The following BGN variants were observed in gnomAD, a reference collection of about 807,000 sequenced individuals.
The protein encoded by BGN is bone/cartilage proteoglycan-I.
Under a neutral mutation model 20.0 loss-of-function variants are expected in BGN, and 6 were observed. The observed-to-expected ratio is 0.30, with a 90% CI of 0.16 to 0.59. BGN has a LOEUF of 0.59. Ranked by LOEUF, BGN falls within the 20% of genes least tolerant of loss-of-function variation. The probability of loss-of-function intolerance (pLI) is 0.88; values close to 1 mark genes in which losing one functional copy is unlikely to be tolerated. For synonymous variants in BGN, 146 were observed against 134.6 expected (o/e 1.08, Z -0.59); for missense variants, 292 against 312.1 (o/e 0.94, Z 0.49).
Position 153,504,817 on chromosome X carries a change from G to A in BGN, c.186G>A (p.Met62Ile), listed in dbSNP as rs375209182. ...PDSVTPTYSA[M>I]CPFGCHCHLR... ...CTGTCACACCCACCTACAGCGCCAT[G>A]TGTCCTTTCGGCTGCCACTGCCACC... Residue 62 changes from methionine to isoleucine, a missense_variant, in exon 2 of 8, where the codon ATG (methionine) becomes ATA (isoleucine). Coordinates refer to ENST00000331595, the MANE Select transcript of BGN (RefSeq NM_001711.6). 1.7e-5 allele frequency: 21 copies of A among 1,209,415 alleles called. No homozygotes were observed. Among genetic ancestry groups the A allele is most frequent in the Non-Finnish European group, 1.2e-5 (11 of 895,194 alleles).
chrX:153,504,568 T>G, intron 1 of BGN, 53 bp from the exon 2 acceptor site: 21 of 997,231 alleles, frequency 2.1e-5, no homozygotes, highest in East Asian at 3.1e-5. Context: ...GCCCCTGGCA[T>G]GGAGAAGACA....
chrX:153,501,204 G>A (rs2089758777), intron 1 of BGN, among the ~76,000 whole-genome samples: 1 of 112,655 alleles, frequency 8.9e-6, no homozygotes, highest in Admixed American at 9.3e-5. Context: ...GTTTGTGTGT[G>A]TATGTGTGTA....
intron 3 of BGN, 82 bp from the exon 4 acceptor site, chrX:153,505,781 G>A: frequency 1.1e-6 from 1 of 900,305 alleles, no homozygotes; most frequent in East Asian, 3.4e-5. Flanking sequence ...CCAGTGGGCT[G>A]GGGAGGCACA....
chrX:153,503,571 C>T (rs1003914872), intron 1 of BGN, among the ~76,000 whole-genome samples: 5 of 112,343 alleles, frequency 4.5e-5, no homozygotes, highest in Non-Finnish European at 9.4e-5. Context: ...AGAGGCAGGG[C>T]TCCAGCCTCT....
intron 7 of BGN, among the ~76,000 whole-genome samples, chrX:153,507,716 C>A (rs1556993607): frequency 8.8e-6 from 1 of 113,602 alleles, no homozygotes; most frequent in African/African-American, 3.2e-5. Flanking sequence ...AGTGCGCCCT[C>A]TAGTGGCCAT....
intron 1 of BGN, among the ~76,000 whole-genome samples, 170 bp from the exon 2 acceptor site, chrX:153,504,451 G>A (rs1479096862): frequency 8.9e-6 from 1 of 112,501 alleles, no homozygotes; most frequent in African/African-American, 3.2e-5. Context: ...CTCCCTTCCT[G>A]CCTGGAGCCC....
intron 1 of BGN, among the ~76,000 whole-genome samples, chrX:153,499,190 T>C (rs1420020106): frequency 8.9e-6 from 1 of 112,540 alleles, no homozygotes; most frequent in Non-Finnish European, 1.9e-5. Flanking sequence ...AGAAATCACA[T>C]GAGTCCCCTG....
chrX:153,503,123 T>C (rs1456876607), intron 1 of BGN, among the ~76,000 whole-genome samples: 2 of 112,717 alleles, frequency 1.8e-5, no homozygotes, highest in East Asian at 5.7e-4. Flanking sequence ...CCCGGCCCGC[T>C]GGTAGCAAGG....
At position 153,509,436 on chromosome X, in the gene BGN, C is replaced by T. The variant is rs921648721; in HGVS notation, c.*991C>T. The stretch of plus-strand genomic sequence containing the variant: ...GGTTTTCCTAGAAGCCCCTCACCCC[C>T]ACTGGCCCACTGGTGGCTAGGTCTC... On this transcript the variant is annotated 3_prime_UTR_variant, in exon 8 of 8. Coordinates refer to ENST00000331595, the MANE Select transcript of BGN (RefSeq NM_001711.6). 3.6e-5 allele frequency: 4 copies of T among 112,571 alleles called. No homozygotes were observed. Among genetic ancestry groups the T allele is most frequent in the South Asian group, 7.3e-4 (2 of 2,757 alleles). The allele number at this position is 112,571 out of a possible 1,213,427, so 9.3% of individuals were successfully genotyped here.
chrX:153,508,447 G>A lies in BGN; in HGVS notation c.*2G>A. On this transcript the variant is annotated 3_prime_UTR_variant, in exon 8 of 8. Transcript: ENST00000331595. The stretch of plus-strand genomic sequence containing the variant: ...CAGTTTGGCAACTACAAAAAGTAGA[G>A]GCAGCTGCAGCCACCGCGGGGCCTC... The A allele has an allele frequency of 7.4e-6, 9 of 1,209,886 alleles. No homozygotes were observed. Among genetic ancestry groups the A allele is most frequent in the Non-Finnish European group, 8.9e-6 (8 of 894,244 alleles).
chrX:153,499,059 C>T (rs535389119), intron 1 of BGN, among the ~76,000 whole-genome samples: 1 of 112,704 alleles, frequency 8.9e-6, no homozygotes, highest in South Asian at 3.7e-4. Context: ...TGTTTCCTCA[C>T]CGTGTGGCCT....
At chrX:153,498,834 C>A (rs1468128827) in intron 1 of BGN, among the ~76,000 whole-genome samples, 1 of 112,373 alleles carries the variant, frequency 8.9e-6, no homozygotes, top group African/African-American at 3.2e-5. Context: ...TGTGTTGGGG[C>A]TGAGGAGGGG....
intron 3 of BGN, 70 bp from the exon 4 acceptor site, chrX:153,505,793 G>A: frequency 1.0e-6 from 1 of 967,746 alleles, no homozygotes; most frequent in Non-Finnish European, 1.4e-6. Flanking sequence ...GGAGGCACAG[G>A]AAGGCAGGAG....
intron 1 of BGN, among the ~76,000 whole-genome samples, chrX:153,497,247 G>A (rs1354896593): frequency 1.9e-5 from 2 of 107,564 alleles, no homozygotes; most frequent in African/African-American, 6.9e-5. Flanking sequence ...CCCCCGACAG[G>A]CCTGGGAGCC....
chrX:153,504,580 G>A (rs1556992580), intron 1 of BGN, 41 bp from the exon 2 acceptor site: 40 of 1,050,638 alleles, frequency 3.8e-5, no homozygotes. Context: ...GAGAAGACAG[G>A]TGGGTGCTGG....
rs2089829213 is a variant in BGN at position 153,509,506 on chromosome X, T to A, written c.*1061T>A. 1 of 112,448 alleles carries A rather than the reference T, an allele frequency of 8.9e-6. No individual in the cohort carries two copies. Among genetic ancestry groups the A allele is most frequent in the Non-Finnish European group, 1.9e-5 (1 of 53,227 alleles). The allele number at this position is 112,448 out of a possible 1,213,427, so 9.3% of individuals were successfully genotyped here. On this transcript the variant is annotated 3_prime_UTR_variant, in exon 8 of 8. Transcript: ENST00000331595. ...GCGCAAGGAGGGGCTGCTTCTGAGG[T>A]CGGTGGCTGTCTTTCCATTAAAGAA...
At chrX:153,506,978 T>A (rs2089805457) in intron 6 of BGN, 55 bp downstream of exon 6, 1 of 1,205,303 alleles carries the variant, frequency 8.3e-7, no homozygotes, top group Admixed American at 2.2e-5. Context: ...CAGTGCTGTG[T>A]GGCCCCTCGC....
Position 153,508,672 on chromosome X carries a change from C to A in BGN, c.*227C>A. 1 of 444,185 alleles carries A rather than the reference C, an allele frequency of 2.3e-6. No homozygotes were observed. The highest frequency in any genetic ancestry group is 3.9e-6 in the Non-Finnish European group (1 of 259,235). 36.6% of individuals were successfully genotyped at this position (444,185 alleles called of 1,213,427 possible). On this transcript the variant is annotated 3_prime_UTR_variant, in exon 8 of 8. Coordinates refer to ENST00000331595, the MANE Select transcript of BGN (RefSeq NM_001711.6). Reference sequence around the variant, plus strand: ...CGGCCCCCATCACATGTTCCCTTGGCCTCAGAGCTGCCCCTGCTCTCCCAC... The same window carrying A: ...CGGCCCCCATCACATGTTCCCTTGGACTCAGAGCTGCCCCTGCTCTCCCAC...
chrX:153,500,710 T>G (rs2089750873), intron 1 of BGN, among the ~76,000 whole-genome samples: 1 of 108,178 alleles, frequency 9.2e-6, no homozygotes, highest in Admixed American at 9.8e-5. Flanking sequence ...TATGTATGTA[T>G]GTATGTGTGC....
Sources: allele counts gnomAD v4.1 joint callset (sites outside exome capture counted in the v4.1 genomes callset), GRCh38; gene constraint gnomAD v4.1.1; transcripts MANE v1.5; gene names NCBI Gene and HGNC (gene_info 2026-07-23, HGNC 2026-07-21).